The following CAMSAP2 variants were observed in gnomAD, a reference collection of about 807,000 sequenced individuals.
CAMSAP2 encodes the protein calmodulin-regulated spectrin-associated protein 2.
A neutral mutation model predicts 146.1 loss-of-function variants in CAMSAP2; 26 were observed. That is an observed-to-expected ratio of 0.18 (90% CI 0.13 to 0.25). The LOEUF (loss-of-function observed/expected upper bound fraction) is 0.25, where lower values mean the gene tolerates loss of function less well. CAMSAP2 is among the 10% of genes least tolerant of loss of function. The pLI is 1.00. For synonymous variants in CAMSAP2, 499 were observed against 596.6 expected (o/e 0.84, Z 2.38); for missense variants, 1,381 against 1,759.3 (o/e 0.78, Z 3.85).
intron 10 of CAMSAP2, 28 bp downstream of exon 10, chr1:200,847,737 A>G: frequency 6.5e-7 from 1 of 1,542,580 alleles, no homozygotes; most frequent in Non-Finnish European, 8.9e-7. Context: ...CTTTTAGTGT[A>G]TTCAGATTAT....
At chr1:200,844,722 C>A in intron 7 of CAMSAP2, 60 bp from the exon 8 acceptor site, 1 of 967,404 alleles carries the variant, frequency 1.0e-6, no homozygotes, top group South Asian at 1.7e-5. Context: ...TGCTTATGGT[C>A]CAGAATTTTT....
chr1:200,817,223 T>A (rs1208374499), intron 4 of CAMSAP2, among the ~76,000 whole-genome samples: 3 of 122,046 alleles, frequency 2.5e-5, no homozygotes, highest in Admixed American at 8.1e-5. Flanking sequence ...CACACATATG[T>A]GTGTGTATAT....
At chr1:200,749,811 G>T (rs923893813) in intron 1 of CAMSAP2, among the ~76,000 whole-genome samples, 4 of 152,032 alleles carry the variant, frequency 2.6e-5, no homozygotes, top group African/African-American at 4.8e-5. Context: ...TTCTCTTTAT[G>T]GGGGGGAAAT....
At chr1:200,765,120 CA>C (rs1369672605) in intron 2 of CAMSAP2, among the ~76,000 whole-genome samples, 1 of 151,860 alleles carries the variant, frequency 6.6e-6, no homozygotes, top group African/African-American at 2.4e-5. Context: ...AACAAAAAAA[CA>C]AAAAAACTCA....
At chr1:200,809,870 G>A (rs1421423870) in intron 3 of CAMSAP2, among the ~76,000 whole-genome samples, 1 of 152,132 alleles carries the variant, frequency 6.6e-6, no homozygotes, top group Non-Finnish European at 1.5e-5. Flanking sequence ...TGCTAAGTGG[G>A]GACTCTGCAG....
rs57995961 is a variant in CAMSAP2 at position 200,782,782 on chromosome 1, C to CTTT, written c.399+21708_399+21710dup. Among the ~76,000 whole-genome samples the CTTT allele has an allele frequency of 3.4e-3, 244 of 72,286 alleles. 23 individuals are homozygous for CTTT. Among genetic ancestry groups the CTTT allele is most frequent in the Admixed American group, 0.012 (69 of 5,992 alleles). The allele number at this position is 72,286 out of a possible 152,430, so 47.4% of individuals were successfully genotyped here. The stretch of plus-strand genomic sequence containing the variant: ...TTTAGACATGTATTTTCATTTCTCT[C>CTTT]TTTTTTTTTTTTTTTTTTTTTTTTT... On this transcript the variant is annotated intron_variant, in intron 2 of 16. Transcript: ENST00000358823.
chr1:200,752,706 C>G (rs1664541585), intron 1 of CAMSAP2, among the ~76,000 whole-genome samples: 1 of 151,932 alleles, frequency 6.6e-6, no homozygotes. Flanking sequence ...CAAGCTCCAC[C>G]TCCCAGGTTC....
At chr1:200,844,364 A>G (rs1667407126) in intron 7 of CAMSAP2, among the ~76,000 whole-genome samples, 1 of 151,512 alleles carries the variant, frequency 6.6e-6, no homozygotes, top group Non-Finnish European at 1.5e-5. Context: ...CCTGGCCAAT[A>G]TGGTGAAACC....
chr1:200,785,456 T>C (rs1391196370), intron 2 of CAMSAP2, among the ~76,000 whole-genome samples: 3 of 151,290 alleles, frequency 2.0e-5, no homozygotes, highest in Non-Finnish European at 2.9e-5. Flanking sequence ...TGGCCTGATC[T>C]TGGCTCACTG....
chr1:200,819,443 C>T (rs918490341), intron 4 of CAMSAP2, among the ~76,000 whole-genome samples: 1 of 152,052 alleles, frequency 6.6e-6, no homozygotes, highest in African/African-American at 2.4e-5. Context: ...ATCTGGAAGC[C>T]GTACTTGAAC....
chr1:200,846,466 A>G (rs1558206509), intron 8 of CAMSAP2, among the ~76,000 whole-genome samples: 1 of 152,278 alleles, frequency 6.6e-6, no homozygotes, highest in South Asian at 2.1e-4. Flanking sequence ...TATTTTTCCC[A>G]GCAGAAACTC....
intron 2 of CAMSAP2, among the ~76,000 whole-genome samples, chr1:200,806,803 A>G (rs1042110487): frequency 1.3e-5 from 2 of 150,430 alleles, no homozygotes; most frequent in Non-Finnish European, 3.0e-5. Flanking sequence ...CTATCTATCT[A>G]TCTATCTATC....
At chr1:200,756,080 T>C (rs1170569279) in intron 1 of CAMSAP2, among the ~76,000 whole-genome samples, 1 of 151,840 alleles carries the variant, frequency 6.6e-6, no homozygotes, top group Non-Finnish European at 1.5e-5. Flanking sequence ...GAGGTCAGAG[T>C]AGGAGTAGGC....
chr1:200,789,919 T>C lies in CAMSAP2; in HGVS notation c.400-17457T>C, dbSNP rs957461965. Among the ~76,000 whole-genome samples the C allele has an allele frequency of 2.0e-5, 3 of 152,154 alleles. No individual in the cohort carries two copies. In the South Asian group the frequency reaches 6.2e-4, roughly 32 times the overall value. On this transcript the variant is annotated intron_variant, in intron 2 of 16. Coordinates refer to ENST00000358823, the MANE Select transcript of CAMSAP2 (RefSeq NM_203459.4). ...AATTTGGGGGTGCTAATGAAAATGG[T>C]ATTTTGTTTTTAATTTCAAATACCA... is the stretch of plus-strand genomic sequence containing the variant.
chr1:200,759,961 C>T (rs1335710135), intron 1 of CAMSAP2, among the ~76,000 whole-genome samples: 2 of 152,166 alleles, frequency 1.3e-5, no homozygotes, highest in African/African-American at 4.8e-5. Flanking sequence ...AATTTTGCTG[C>T]TGTCAAATAC....
chr1:200,848,252 C>T lies in CAMSAP2; in HGVS notation c.1483C>T (p.His495Tyr). The T allele has an allele frequency of 6.2e-7, 1 of 1,613,388 alleles. No homozygotes were observed. ...TGAAGAAGAACTTAATATAGATTCT[C>T]ACAGTGACCTCAAATCTTGTGTGCC... ...SIEEELNIDS[H>Y]SDLKSCVPLN... The change falls in exon 11 of 17, where the codon CAC becomes TAC. Residue 495 changes from histidine (H) to tyrosine (Y), a missense_variant. His to Tyr is a moderately conservative substitution (Grantham distance 83). Transcript: ENST00000358823.
rs1439219141 is a variant in CAMSAP2 at position 200,857,120 on chromosome 1, C to T, written c.4013-186C>T. On this transcript the variant is annotated intron_variant, in intron 15 of 16. Coordinates refer to ENST00000358823, the MANE Select transcript of CAMSAP2 (RefSeq NM_203459.4). This position sits in a 1 kb window ranked among gnomAD's most constrained non-coding sequence, Gnocchi z 4.7. ...CTCCAAAAGGCCATAGGAACATCCT[C>T]CATATCTCTGGGTGGATAAAACAAT... Among the ~76,000 whole-genome samples, 1 of 152,126 alleles carries T rather than the reference C, an allele frequency of 6.6e-6. No homozygotes were observed. Among genetic ancestry groups the T allele is most frequent in the Non-Finnish European group, 1.5e-5 (1 of 68,030 alleles).
At chr1:200,846,940 A>G (rs536912856) in intron 8 of CAMSAP2, among the ~76,000 whole-genome samples, 51 of 152,282 alleles carry the variant, frequency 3.3e-4, no homozygotes, top group African/African-American at 1.1e-3. Context: ...ATCAGTTTTT[A>G]TGTTTATAAA....
chr1:200,741,352 A>G (rs1664169248), intron 1 of CAMSAP2, among the ~76,000 whole-genome samples: 1 of 152,268 alleles, frequency 6.6e-6, no homozygotes, highest in Admixed American at 6.5e-5. Context: ...TCATAGGAAG[A>G]AACACAAAGT....
Sources: gnomAD v4.1 joint callset for allele counts (sites outside exome capture counted in the v4.1 genomes callset) on GRCh38, gnomAD v4.1.1 for gene constraint, Gnocchi (gnomAD v3.1) non-coding constraint, MANE v1.5 for transcripts, NCBI Gene and HGNC (gene_info 2026-07-23, HGNC 2026-07-21) for gene names.